Variants in SPPL2A observed in about 807,000 individuals in gnomAD.
SPPL2A encodes signal peptide peptidase like 2A, also known as signal peptide peptidase-like 2A.
SPPL2A carries 51 observed loss-of-function variants against 63.8 expected under a neutral mutation model. The observed-to-expected ratio is 0.80, with a 90% CI of 0.64 to 1.01. The LOEUF (loss-of-function observed/expected upper bound fraction) is 1.01. SPPL2A is among the 50% of genes least tolerant of loss of function. The probability of loss-of-function intolerance (pLI) is 0.00; values close to 1 mark genes in which losing one functional copy is unlikely to be tolerated. For synonymous variants in SPPL2A, 188 were observed against 205.8 expected (o/e 0.91, Z 0.74); for missense variants, 553 against 622.7 (o/e 0.89, Z 1.19).
intron 8 of SPPL2A, among the ~76,000 whole-genome samples, chr15:50,733,940 A>G (rs967361750): frequency 2.0e-5 from 3 of 152,178 alleles, no homozygotes; most frequent in Non-Finnish European, 2.9e-5. Context: ...ATGAAATCTG[A>G]TTGCAATTAG....
rs370373166 is a variant in SPPL2A at position 50,714,477 on chromosome 15, C to CA, written c.1488+5462dup. The stretch of plus-strand genomic sequence containing the variant: ...TGAAACCCCATCTCTACTAAAAATA[C>CA]AAAATTAGCTGGGCATGGTGGCGCA... On this transcript the variant is annotated intron_variant, in intron 14 of 14. Transcript: ENST00000261854. 3.0e-4 allele frequency among the ~76,000 whole-genome samples: 46 copies of CA among 151,770 alleles called. No individual in the cohort carries two copies. The East Asian group carries it at 8.6e-3, about 28-fold the overall frequency.
chr15:50,721,326 G>A (rs1196943496), intron 13 of SPPL2A, among the ~76,000 whole-genome samples: 2 of 152,128 alleles, frequency 1.3e-5, no homozygotes, highest in South Asian at 2.1e-4. Context: ...GAGCCACCAC[G>A]TCTGGCCAGC....
chr15:50,762,398 T>C (rs960910914), intron 1 of SPPL2A, among the ~76,000 whole-genome samples: 2 of 147,540 alleles, frequency 1.4e-5, no homozygotes, highest in African/African-American at 2.5e-5. Context: ...ACCCAAAAAA[T>C]AAAATGTACT....
intron 6 of SPPL2A, among the ~76,000 whole-genome samples, chr15:50,737,593 C>T (rs754240546): frequency 2.0e-5 from 3 of 152,044 alleles, no homozygotes; most frequent in Admixed American, 1.3e-4. Context: ...GCTGGAACTA[C>T]GGGCACGCAC....
chr15:50,723,992 A>T (rs187671057), intron 12 of SPPL2A, among the ~76,000 whole-genome samples: 2 of 152,314 alleles, frequency 1.3e-5, no homozygotes, highest in African/African-American at 4.8e-5. Context: ...TACCAGTTCT[A>T]TGCCAAGTTC....
intron 5 of SPPL2A, among the ~76,000 whole-genome samples, chr15:50,744,778 C>G (rs924606549): frequency 1.3e-5 from 2 of 152,160 alleles, no homozygotes; most frequent in African/African-American, 2.4e-5. Flanking sequence ...TTCAGGAAAT[C>G]AAGACTACAG....
At chr15:50,714,991 T>G (rs958710859) in intron 14 of SPPL2A, among the ~76,000 whole-genome samples, 3 of 151,852 alleles carry the variant, frequency 2.0e-5, no homozygotes, top group African/African-American at 7.3e-5. Flanking sequence ...TTAAGAAGTT[T>G]TTTTTGGTGT....
intron 8 of SPPL2A, among the ~76,000 whole-genome samples, chr15:50,734,295 A>G (rs1258745222): frequency 6.6e-6 from 1 of 152,162 alleles, no homozygotes; most frequent in Non-Finnish European, 1.5e-5. Context: ...TATATATATA[A>G]TTTTACAAAT....
chr15:50,762,837 A>G (rs1232625231), intron 1 of SPPL2A, among the ~76,000 whole-genome samples: 1 of 151,466 alleles, frequency 6.6e-6, no homozygotes, highest in East Asian at 1.9e-4. Flanking sequence ...GGTTCAAGCA[A>G]TTCTTCCGCC....
rs1210645754 is a variant in SPPL2A, at chr15:50,704,292, A to G, written c.*3508T>C. ...GGGAGTCGGAGATTGCAGTGAGCTG[A>G]TATCATGCCATTGCACTCCAGCCTG... On this transcript the variant is annotated 3_prime_UTR_variant, in exon 15 of 15. Coordinates refer to ENST00000261854, the MANE Select transcript of SPPL2A (RefSeq NM_032802.4). 6.8e-6 allele frequency: 1 copy of G among 147,514 alleles called. No homozygotes were observed. The highest frequency in any genetic ancestry group is 1.5e-5 in the Non-Finnish European group (1 of 67,228). 9.1% of individuals were successfully genotyped at this position (147,514 alleles called of 1,614,324 possible). A position where few individuals can be genotyped will look rare whatever the true frequency, so the allele number is the denominator to read the frequency against.
Position 50,704,759 on chromosome 15 carries a change from G to C in SPPL2A, c.*3041C>G, listed in dbSNP as rs1425235399. The C allele has an allele frequency of 6.6e-6, 1 of 152,078 alleles. No individual in the cohort carries two copies. Among genetic ancestry groups the C allele is most frequent in the Non-Finnish European group, 1.5e-5 (1 of 68,022 alleles). The allele number at this position is 152,078 out of a possible 1,614,324, so 9.4% of individuals were successfully genotyped here. ...TTTAATTTCTTAATCACTATTGTCA[G>C]CTTGGTTGCTACACATTTAATTACA... is the stretch of plus-strand genomic sequence containing the variant. On this transcript the variant is annotated 3_prime_UTR_variant, in exon 15 of 15. Coordinates refer to ENST00000261854, the MANE Select transcript of SPPL2A (RefSeq NM_032802.4).
chr15:50,757,099 T>C (rs2062964463), intron 1 of SPPL2A, among the ~76,000 whole-genome samples: 1 of 149,104 alleles, frequency 6.7e-6, no homozygotes, highest in Admixed American at 6.7e-5. Flanking sequence ...CTTTTTTTTT[T>C]TGAGACAGAG....
At chr15:50,738,366 T>A (rs547145696) in intron 6 of SPPL2A, among the ~76,000 whole-genome samples, 1 of 151,932 alleles carries the variant, frequency 6.6e-6, no homozygotes, top group Non-Finnish European at 1.5e-5. Context: ...CTGGTCAACA[T>A]AGTGAAATCC....
At chr15:50,765,381 G>A (rs1289764784) in intron 1 of SPPL2A, 87 bp downstream of exon 1, 6 of 1,052,690 alleles carry the variant, frequency 5.7e-6, no homozygotes, top group Non-Finnish European at 2.6e-6. Flanking sequence ...AGGGGAGGCC[G>A]GGCGAGGAGT....
At chr15:50,742,962 C>G (rs1222764700) in intron 5 of SPPL2A, 1 of 152,222 alleles carries the variant, frequency 6.6e-6, no homozygotes, top group Non-Finnish European at 1.5e-5. Context: ...AGCTAAATTA[C>G]TTGGGAGTTG....
chr15:50,733,129 C>T (rs993580899), intron 8 of SPPL2A, among the ~76,000 whole-genome samples: 1 of 152,164 alleles, frequency 6.6e-6, no homozygotes, highest in Non-Finnish European at 1.5e-5. Context: ...TAACACGTCT[C>T]GCTCTAGAAA....
Position 50,758,511 on chromosome 15 carries a change from G to A in SPPL2A, c.66+6957C>T, listed in dbSNP as rs148544552. On this transcript the variant is annotated intron_variant, in intron 1 of 14. Transcript: ENST00000261854. ...CCTGGCCCATTTTTTTGTATTTTTA[G>A]TAGAGATGGGGTTTCACCATGTTGG... Among the ~76,000 whole-genome samples, 367 of 151,232 alleles carry A rather than the reference G, an allele frequency of 2.4e-3. 4 individuals are homozygous for A. Among genetic ancestry groups the A allele is most frequent in the African/African-American group, 8.5e-3 (349 of 41,288 alleles).
rs921555038 is a variant in SPPL2A at position 50,748,784 on chromosome 15, A to G, written c.264T>C (p.Val88=). ...IPPVGIKSKA[V]VVPWGSCHFL... ...AATGGCAGCTTCCCCATGGAACCAC[A>G]ACTGCTTTGCTCTTTATGCCAACAG... The change falls in exon 3 of 15, where the codon GTT becomes GTC. Residue 88 remains valine (V), a synonymous_variant. Transcript: ENST00000261854. 9.3e-6 allele frequency: 15 copies of G among 1,612,290 alleles called. No homozygotes were observed. In the Admixed American group the frequency reaches 1.7e-4, roughly 18 times the overall value.
chr15:50,731,567 G>A (rs1475945078), intron 9 of SPPL2A, among the ~76,000 whole-genome samples: 4 of 151,428 alleles, frequency 2.6e-5, no homozygotes, highest in Admixed American at 6.6e-5. Flanking sequence ...AAGAAGAAAT[G>A]TGCTTCCCTG....
Sources: gnomAD v4.1 joint callset for allele counts (sites outside exome capture counted in the v4.1 genomes callset) on GRCh38, gnomAD v4.1.1 for gene constraint, MANE v1.5 for transcripts, NCBI Gene and HGNC (gene_info 2026-07-23, HGNC 2026-07-21) for gene names.